The following DOCK10 variants were observed in gnomAD, a reference collection of about 807,000 sequenced individuals.
DOCK10 encodes dedicator of cytokinesis protein 10.
DOCK10 carries 145 observed loss-of-function variants against 280.1 expected under a neutral mutation model. The observed-to-expected ratio is 0.52, with a 90% CI of 0.45 to 0.59. The LOEUF (loss-of-function observed/expected upper bound fraction) is 0.59. Ranked by LOEUF, DOCK10 falls within the 20% of genes least tolerant of loss-of-function variation. The pLI is 0.00. For missense variants in DOCK10, 2,368 were observed against 2,651.7 expected (o/e 0.89, Z 2.35); for synonymous variants, 915 against 942.2 (o/e 0.97, Z 0.53).
chr2:224,793,158 T>G, intron 46 of DOCK10, 86 bp from the exon 47 acceptor site: 1 of 1,050,200 alleles, frequency 9.5e-7, no homozygotes, highest in Non-Finnish European at 1.4e-6. Flanking sequence ...TAGCCAATGA[T>G]GCATTCTCGT....
intron 1 of DOCK10, among the ~76,000 whole-genome samples, chr2:225,033,950 G>A (rs1198523028): frequency 6.6e-6 from 1 of 152,146 alleles, no homozygotes; most frequent in East Asian, 1.9e-4. Flanking sequence ...AACTCACTCT[G>A]TGCCAGTCCT....
At chr2:224,947,461 G>A (rs778966260) in intron 1 of DOCK10, among the ~76,000 whole-genome samples, 1 of 152,198 alleles carries the variant, frequency 6.6e-6, no homozygotes, top group Admixed American at 6.5e-5. Flanking sequence ...GTGATCTTCC[G>A]AGGGGAGTTC....
chr2:225,002,773 A>AATTGG lies in DOCK10; in HGVS notation c.123+39474_123+39478dup, dbSNP rs1421658056. ...TGTTGTTGGATGCTCAACACTGCAG[A>AATTGG]ATTGGTATGAACCACATCAGTGTGG... On this transcript the variant is annotated intron_variant, in intron 1 of 55. Coordinates refer to ENST00000258390, the MANE Select transcript of DOCK10 (RefSeq NM_014689.3). Among the ~76,000 whole-genome samples the AATTGG allele has an allele frequency of 2.0e-5, 3 of 151,960 alleles. No individual in the cohort carries two copies. In the Middle Eastern group the frequency reaches 0.01, roughly 517 times the overall value.
At chr2:224,859,026 T>G (rs1419206662) in intron 14 of DOCK10, among the ~76,000 whole-genome samples, 1 of 152,204 alleles carries the variant, frequency 6.6e-6, no homozygotes, top group Admixed American at 6.5e-5. Flanking sequence ...TTCAGATAGC[T>G]GAAGATTATT....
rs114692985 is a variant in DOCK10, at chr2:224,850,150, A to G, written c.2143-551T>C. 3.8e-3 allele frequency among the ~76,000 whole-genome samples: 572 copies of G among 152,330 alleles called. 5 individuals carry two copies. Among genetic ancestry groups the G allele is most frequent in the African/African-American group, 0.013 (539 of 41,584 alleles). Reference sequence around the variant, plus strand: ...TTTAGAAATCTTCATGAATATAAAGAAACCCATAAAGGTAGAAGCCCTAAA... The same window carrying G: ...TTTAGAAATCTTCATGAATATAAAGGAACCCATAAAGGTAGAAGCCCTAAA... On this transcript the variant is annotated intron_variant, in intron 18 of 55. Transcript: ENST00000258390.
chr2:224,947,960 T>G, intron 1 of DOCK10, among the ~76,000 whole-genome samples: 1 of 152,228 alleles, frequency 6.6e-6, no homozygotes, highest in East Asian at 1.9e-4. Context: ...TTATTATGCT[T>G]AACAATGAAC....
chr2:224,956,625 GAAAAAAA>G (rs3083983), intron 1 of DOCK10, among the ~76,000 whole-genome samples: 4 of 78,658 alleles, frequency 5.1e-5, no homozygotes, highest in African/African-American at 1.6e-4. Flanking sequence ...CGCTACCTCA[GAAAAAAA>G]AAAAAAAAAA....
At chr2:225,040,560 T>C (rs1444148716) in intron 1 of DOCK10, among the ~76,000 whole-genome samples, 1 of 151,776 alleles carries the variant, frequency 6.6e-6, no homozygotes, top group Non-Finnish European at 1.5e-5. Flanking sequence ...TAGAAGGGTA[T>C]CTGGGATACA....
intron 7 of DOCK10, among the ~76,000 whole-genome samples, chr2:224,877,583 C>T (rs561313812): frequency 2.0e-5 from 3 of 151,694 alleles, no homozygotes; most frequent in East Asian, 1.9e-4. Flanking sequence ...CAAAGGTTCT[C>T]CATTGTGCAG....
rs750258340 is a variant in DOCK10 at position 224,805,539 on chromosome 2, C to G, written c.3815-10G>C. 7 of 1,611,660 alleles carry G rather than the reference C, an allele frequency of 4.3e-6. No individual in the cohort carries two copies. The highest frequency in any genetic ancestry group is 4.2e-6 in the Non-Finnish European group (5 of 1,178,574). On this transcript the variant is annotated splice_polypyrimidine_tract_variant and intron_variant, in intron 34 of 55. Transcript: ENST00000258390. The surrounding 1 kb of genome is among the most constrained non-coding windows in gnomAD (Gnocchi z 4.3). ...GCTATTGATGAAAATGCTGTAAACA[C>G]AAGCCACAGCACACGTATGGGAATG...
intron 1 of DOCK10, among the ~76,000 whole-genome samples, chr2:224,959,932 A>G (rs1704267197): frequency 6.6e-6 from 1 of 152,194 alleles, no homozygotes; most frequent in Admixed American, 6.5e-5. Flanking sequence ...AGGCAGAGTC[A>G]ATATGGGTGT....
rs558591749 is a variant in DOCK10 at position 224,987,623 on chromosome 2, G to T, written c.123+54629C>A. The stretch of plus-strand genomic sequence containing the variant: ...TACATATCTGGAAATGAAGACTGCA[G>T]TTGGTGCACCAGTCAACCTAACAGC... On this transcript the variant is annotated intron_variant, in intron 1 of 55. Transcript: ENST00000258390. 7.2e-5 allele frequency among the ~76,000 whole-genome samples: 11 copies of T among 152,266 alleles called. No homozygotes were observed. In the South Asian group the frequency reaches 2.1e-3, roughly 29 times the overall value.
At chr2:224,920,370 G>A (rs1701636325) in intron 2 of DOCK10, among the ~76,000 whole-genome samples, 1 of 151,514 alleles carries the variant, frequency 6.6e-6, no homozygotes, top group Non-Finnish European at 1.5e-5. Context: ...CACTGTGCCT[G>A]GCCTACATTT....
intron 5 of DOCK10, 59 bp from the exon 6 acceptor site, chr2:224,886,244 C>G: frequency 6.3e-7 from 1 of 1,596,456 alleles, no homozygotes; most frequent in South Asian, 1.1e-5. Flanking sequence ...ATCCTAGACA[C>G]TGCATTTAAA....
At chr2:224,898,833 CA>C (rs1474899733) in intron 3 of DOCK10, among the ~76,000 whole-genome samples, 3 of 152,200 alleles carry the variant, frequency 2.0e-5, no homozygotes, top group African/African-American at 7.2e-5. Flanking sequence ...CCTTGGCCTC[CA>C]AAAGTGCTGG....
At chr2:224,922,648 G>C (rs959359554) in intron 2 of DOCK10, among the ~76,000 whole-genome samples, 1 of 152,144 alleles carries the variant, frequency 6.6e-6, no homozygotes, top group Non-Finnish European at 1.5e-5. Context: ...GATGGTCTTG[G>C]AGGTTTCGTT....
chr2:224,899,439 C>T (rs772837806), intron 3 of DOCK10, among the ~76,000 whole-genome samples: 1 of 152,120 alleles, frequency 6.6e-6, no homozygotes, highest in African/African-American at 2.4e-5. Flanking sequence ...AAATTCCATG[C>T]CCTCTTGGAT....
intron 2 of DOCK10, among the ~76,000 whole-genome samples, chr2:224,929,278 C>A (rs942126235): frequency 7.2e-5 from 11 of 152,270 alleles, no homozygotes; most frequent in Non-Finnish European, 1.2e-4. Context: ...CCCTTAGAAC[C>A]CCAGGTGATT....
rs571282828 is a variant in DOCK10 at position 224,814,461 on chromosome 2, A to G, written c.3365-97T>C. ...GTAGTTTATACTGAACAATTAAACTATATTATTTAAAAATGTGAGTCTTCA... is the reference window on the plus strand; with the variant it reads ...GTAGTTTATACTGAACAATTAAACTGTATTATTTAAAAATGTGAGTCTTCA... On this transcript the variant is annotated intron_variant, in intron 30 of 55. Transcript: ENST00000258390. 185 of 559,126 alleles carry G rather than the reference A, an allele frequency of 3.3e-4. 2 individuals carry two copies. In the Middle Eastern group the frequency reaches 3.4e-3, roughly 10 times the overall value. 34.6% of individuals were successfully genotyped at this position (559,126 alleles called of 1,614,324 possible).
Sources: gnomAD v4.1 joint callset for allele counts (sites outside exome capture counted in the v4.1 genomes callset) on GRCh38, gnomAD v4.1.1 for gene constraint, Gnocchi (gnomAD v3.1) non-coding constraint, MANE v1.5 for transcripts, NCBI Gene and HGNC (gene_info 2026-07-23, HGNC 2026-07-21) for gene names.